SORCS1: variants seen among roughly 807,000 people sequenced by gnomAD.
The protein encoded by SORCS1 is VPS10 domain-containing receptor SorCS1.
A neutral mutation model predicts 146.1 loss-of-function variants in SORCS1; 60 were observed. The observed-to-expected ratio is 0.41, with a 90% CI of 0.33 to 0.51. SORCS1 has a LOEUF of 0.51. Ranked by LOEUF, SORCS1 falls within the 20% of genes least tolerant of loss-of-function variation. SORCS1 has a pLI of 0.21. For synonymous variants in SORCS1, 637 were observed against 584.0 expected (o/e 1.09, Z -1.31); for missense variants, 1,352 against 1,487.6 (o/e 0.91, Z 1.50).
At chr10:106,893,846 C>A (rs535087887) in intron 2 of SORCS1, among the ~76,000 whole-genome samples, 1 of 152,190 alleles carries the variant, frequency 6.6e-6, no homozygotes. Context: ...GGGCCAGCAG[C>A]ATGAGGTTGA....
intron 3 of SORCS1, among the ~76,000 whole-genome samples, chr10:106,804,617 T>G (rs546890547): frequency 6.6e-6 from 1 of 152,084 alleles, no homozygotes; most frequent in Non-Finnish European, 1.5e-5. Flanking sequence ...TGTAAGATGC[T>G]TGAAAAAGGA....
At chr10:106,672,277 T>C (rs1266199960) in intron 15 of SORCS1, among the ~76,000 whole-genome samples, 1 of 152,118 alleles carries the variant, frequency 6.6e-6, no homozygotes, top group Admixed American at 6.5e-5. Flanking sequence ...CCTTGGGAAA[T>C]CAAGGGAGAG....
At chr10:106,791,133 G>C (rs1004792886) in intron 3 of SORCS1, among the ~76,000 whole-genome samples, 7 of 152,178 alleles carry the variant, frequency 4.6e-5, no homozygotes, top group African/African-American at 1.7e-4. Flanking sequence ...TACAGCAAGA[G>C]GGTGTCGTGT....
chr10:106,970,901 G>C lies in SORCS1; in HGVS notation c.559-14321C>G, dbSNP rs958388320. On this transcript the variant is annotated intron_variant, in intron 1 of 25. Transcript: ENST00000263054. ...TTACAGGCACCCGCCACCATGCACA[G>C]CTAATTTTTTTTTTTTTTTTTTTTT... Among the ~76,000 whole-genome samples the C allele has an allele frequency of 4.5e-5, 6 of 132,406 alleles. No individual in the cohort carries two copies. In the East Asian group the frequency reaches 1.3e-3, roughly 30 times the overall value. 86.9% of individuals were successfully genotyped at this position (132,406 alleles called of 152,430 possible). A position where few individuals can be genotyped will look rare whatever the true frequency, so the allele number is the denominator to read the frequency against.
intron 1 of SORCS1, among the ~76,000 whole-genome samples, chr10:106,962,412 A>G (rs1206850387): frequency 6.0e-5 from 9 of 150,064 alleles, no homozygotes; most frequent in East Asian, 3.9e-4. Context: ...AAAAAAAAAA[A>G]AAAGAAAGAA....
Position 107,026,374 on chromosome 10 carries a change from C to A in SORCS1, c.559-69794G>T, listed in dbSNP as rs76672097. 4.9e-3 allele frequency among the ~76,000 whole-genome samples: 746 copies of A among 152,250 alleles called. 10 individuals carry two copies. Among genetic ancestry groups the A allele is most frequent in the African/African-American group, 0.017 (708 of 41,540 alleles). On this transcript the variant is annotated intron_variant, in intron 1 of 25. Transcript: ENST00000263054. ...GTGGCTCACGCCTGTAACCCTAGTA[C>A]TTTGGGAGGCTGAGGCAGGCGGATC... is the stretch of plus-strand genomic sequence containing the variant.
chr10:107,025,797 G>C (rs1485740131), intron 1 of SORCS1, among the ~76,000 whole-genome samples: 2 of 152,158 alleles, frequency 1.3e-5, no homozygotes, highest in East Asian at 3.9e-4. Flanking sequence ...GTCTTTTATG[G>C]GATAAAAACA....
intron 13 of SORCS1, among the ~76,000 whole-genome samples, chr10:106,675,732 A>C (rs1000465563): frequency 1.3e-5 from 2 of 152,178 alleles, no homozygotes; most frequent in African/African-American, 4.8e-5. Context: ...TAAAATTCAA[A>C]TGTTGAATAT....
At chr10:106,654,057 T>C (rs193231022) in intron 17 of SORCS1, among the ~76,000 whole-genome samples, 1 of 152,286 alleles carries the variant, frequency 6.6e-6, no homozygotes, top group Admixed American at 6.5e-5. Context: ...CTCTCTCTCT[T>C]TCTGCTTCAG....
intron 1 of SORCS1, among the ~76,000 whole-genome samples, chr10:106,996,303 G>T (rs1352155105): frequency 6.6e-6 from 1 of 151,258 alleles, no homozygotes; most frequent in African/African-American, 2.4e-5. Context: ...GGGGTCAGGG[G>T]AGTCAACTGA....
intron 1 of SORCS1, among the ~76,000 whole-genome samples, chr10:107,010,567 C>T (rs926116394): frequency 2.0e-5 from 3 of 152,194 alleles, no homozygotes; most frequent in Non-Finnish European, 4.4e-5. Context: ...TTCTCCACCG[C>T]TTTGTGACGT....
At chr10:107,159,671 A>G (rs2134912664) in intron 1 of SORCS1, among the ~76,000 whole-genome samples, 1 of 152,324 alleles carries the variant, frequency 6.6e-6, no homozygotes, top group African/African-American at 2.4e-5. Context: ...ATTTAGCAGG[A>G]CAACTAAGAT....
Position 106,925,986 on chromosome 10 carries a change from A to G in SORCS1, c.626+30527T>C, listed in dbSNP as rs11193110. Among the ~76,000 whole-genome samples the G allele has an allele frequency of 1.3e-3, 198 of 152,360 alleles. 4 individuals carry two copies. In the East Asian group the frequency reaches 0.031, roughly 24 times the overall value. On this transcript the variant is annotated intron_variant, in intron 2 of 25. Coordinates refer to ENST00000263054, the MANE Select transcript of SORCS1 (RefSeq NM_052918.5). ...AGACTTTATCAGAAATTTGATATTT[A>G]AACAATTCTAAGACACTTTGGAAGA...
intron 2 of SORCS1, among the ~76,000 whole-genome samples, chr10:106,876,307 G>T (rs2137643175): frequency 6.6e-6 from 1 of 152,252 alleles, no homozygotes; most frequent in Middle Eastern, 3.4e-3. Flanking sequence ...TAGAAGTTAT[G>T]AACTTTTTTT....
At chr10:106,715,114 C>T (rs1050764802) in intron 6 of SORCS1, among the ~76,000 whole-genome samples, 3 of 152,144 alleles carry the variant, frequency 2.0e-5, no homozygotes, top group Non-Finnish European at 4.4e-5. Context: ...AATAAGGGAC[C>T]AAGCACTCAT....
chr10:107,007,919 C>A (rs573562705), intron 1 of SORCS1, among the ~76,000 whole-genome samples: 1 of 152,330 alleles, frequency 6.6e-6, no homozygotes, highest in East Asian at 1.9e-4. Flanking sequence ...GAATATACAA[C>A]ATACTCTTGT....
intron 1 of SORCS1, among the ~76,000 whole-genome samples, chr10:107,005,461 G>T (rs527392192): frequency 2.6e-5 from 4 of 151,828 alleles, no homozygotes; most frequent in South Asian, 2.1e-4. Context: ...GGTTTTTTTT[G>T]AAAACTTTCA....
At chr10:106,760,756 G>C (rs192703091) in intron 5 of SORCS1, among the ~76,000 whole-genome samples, 52 of 151,414 alleles carry the variant, frequency 3.4e-4, no homozygotes, top group African/African-American at 1.3e-3. Context: ...GCAATTCACA[G>C]AACATTTCTA....
intron 2 of SORCS1, among the ~76,000 whole-genome samples, chr10:106,838,052 T>G (rs1948855981): frequency 6.6e-6 from 1 of 152,212 alleles, no homozygotes; most frequent in African/African-American, 2.4e-5. Context: ...CTGGGCACAG[T>G]AGGCACTATT....
Sources: allele counts gnomAD v4.1 joint callset (sites outside exome capture counted in the v4.1 genomes callset), GRCh38; gene constraint gnomAD v4.1.1; transcripts MANE v1.5; gene names NCBI Gene and HGNC (gene_info 2026-07-23, HGNC 2026-07-21).